RAB3GAP2: variants seen among roughly 807,000 people sequenced by gnomAD.
RAB3GAP2 encodes the protein RAB3 GTPase activating non-catalytic protein subunit 2.
In RAB3GAP2, 87 loss-of-function variants were observed where a neutral mutation model predicts 185.3. The observed-to-expected ratio is 0.47, with a 90% CI of 0.39 to 0.56. RAB3GAP2 has a LOEUF of 0.56. Ranked by LOEUF, RAB3GAP2 falls within the 20% of genes least tolerant of loss-of-function variation. The pLI is 0.00. For synonymous variants in RAB3GAP2, 554 were observed against 576.1 expected (o/e 0.96, Z 0.55); for missense variants, 1,492 against 1,638.2 (o/e 0.91, Z 1.54).
chr1:220,189,611 T>C (rs577338284), intron 17 of RAB3GAP2, 92 bp downstream of exon 17: 13 of 1,275,138 alleles, frequency 1.0e-5, no homozygotes, highest in East Asian at 8.0e-5. Flanking sequence ...CTTCAGCCTC[T>C]CATGTTTGGG....
At chr1:220,208,594 C>A (rs1659015027) in intron 7 of RAB3GAP2, among the ~76,000 whole-genome samples, 1 of 152,198 alleles carries the variant, frequency 6.6e-6, no homozygotes, top group Non-Finnish European at 1.5e-5. Flanking sequence ...CCAATGTAGT[C>A]CCCTATTCCA....
chr1:220,170,445 C>CAAAA (rs58028233), intron 24 of RAB3GAP2, among the ~76,000 whole-genome samples: 2 of 140,372 alleles, frequency 1.4e-5, no homozygotes, highest in Non-Finnish European at 3.1e-5. Context: ...TTTCCCAATG[C>CAAAA]AAAAAAAAAA....
At chr1:220,257,546 T>A (rs1660054443) in intron 1 of RAB3GAP2, among the ~76,000 whole-genome samples, 1 of 152,194 alleles carries the variant, frequency 6.6e-6, no homozygotes, top group Non-Finnish European at 1.5e-5. Flanking sequence ...AGAGACACTG[T>A]ACCAGAATCT....
At chr1:220,195,665 C>T (rs1265162226) in intron 10 of RAB3GAP2, among the ~76,000 whole-genome samples, 1 of 152,166 alleles carries the variant, frequency 6.6e-6, no homozygotes, top group East Asian at 1.9e-4. Context: ...ATTAAGATTA[C>T]ATTATTCTAG....
At chr1:220,264,594 C>T (rs549925381) in intron 1 of RAB3GAP2, among the ~76,000 whole-genome samples, 7 of 152,104 alleles carry the variant, frequency 4.6e-5, no homozygotes, top group South Asian at 4.2e-4. Context: ...TCTAAAGACC[C>T]TGCTACTGAA....
At chr1:220,211,596 T>A (rs2102880774) in intron 4 of RAB3GAP2, among the ~76,000 whole-genome samples, 1 of 152,310 alleles carries the variant, frequency 6.6e-6, no homozygotes, top group Non-Finnish European at 1.5e-5. Flanking sequence ...AAAGATATAT[T>A]TTTTTTCTGA....
rs375082479 is a variant in RAB3GAP2, at chr1:220,177,384, C to G, written c.2311-4642G>C. 9.2e-5 allele frequency among the ~76,000 whole-genome samples: 14 copies of G among 152,238 alleles called. No homozygotes were observed. The East Asian group carries it at 2.7e-3, about 29-fold the overall frequency. ...AGACTGTGAAGACTAAAGTACATACCTAATATATCAATGCACAATACCATC... is the reference window on the plus strand; with the variant it reads ...AGACTGTGAAGACTAAAGTACATACGTAATATATCAATGCACAATACCATC... On this transcript the variant is annotated intron_variant, in intron 21 of 34. Transcript: ENST00000358951.
At chr1:220,163,866 T>C (rs1421395969) in intron 27 of RAB3GAP2, among the ~76,000 whole-genome samples, 1 of 151,222 alleles carries the variant, frequency 6.6e-6, no homozygotes, top group Non-Finnish European at 1.5e-5. Context: ...CTGGATTTCA[T>C]GTCACCTGCA....
At chr1:220,180,504 T>C (rs1658382511) in intron 21 of RAB3GAP2, among the ~76,000 whole-genome samples, 1 of 152,162 alleles carries the variant, frequency 6.6e-6, no homozygotes, top group African/African-American at 2.4e-5. Context: ...TTAGAGACTA[T>C]TATGAACAGC....
At chr1:220,214,053 G>T in intron 2 of RAB3GAP2, 74 bp from the exon 3 acceptor site, 1 of 1,410,576 alleles carries the variant, frequency 7.1e-7, no homozygotes, top group Non-Finnish European at 1.0e-6. Flanking sequence ...CTGTCTCAAG[G>T]GGTGAGAGGG....
intron 5 of RAB3GAP2, 35 bp downstream of exon 5, chr1:220,210,920 A>C (rs1659074049): frequency 1.2e-6 from 2 of 1,613,928 alleles, no homozygotes; most frequent in East Asian, 4.5e-5. Context: ...CATAAATCAA[A>C]GCAAAGAAAA....
At chr1:220,196,815 G>T in intron 9 of RAB3GAP2, among the ~76,000 whole-genome samples, 1 of 151,356 alleles carries the variant, frequency 6.6e-6, no homozygotes. Flanking sequence ...CTGGGCAACA[G>T]GGCGAGACCC....
At chr1:220,152,666 T>C (rs1657781913) in intron 33 of RAB3GAP2, among the ~76,000 whole-genome samples, 1 of 152,142 alleles carries the variant, frequency 6.6e-6, no homozygotes, top group Non-Finnish European at 1.5e-5. Context: ...CACTCTACTG[T>C]AGTGGCTCCT....
chr1:220,170,681 A>G (rs1658157122), intron 24 of RAB3GAP2, among the ~76,000 whole-genome samples: 1 of 152,232 alleles, frequency 6.6e-6, no homozygotes, highest in South Asian at 2.1e-4. Flanking sequence ...CAATTTTCTT[A>G]GGCAGAGGGA....
intron 1 of RAB3GAP2, chr1:220,266,914 T>C: frequency 6.3e-7 from 1 of 1,589,352 alleles, no homozygotes; most frequent in South Asian, 1.1e-5. Context: ...GTAGGTCTCT[T>C]GGTATGTATT....
At chr1:220,246,537 T>C (rs1201255101) in intron 1 of RAB3GAP2, among the ~76,000 whole-genome samples, 1 of 109,264 alleles carries the variant, frequency 9.2e-6, no homozygotes, top group African/African-American at 4.0e-5. Flanking sequence ...CCAACAATGA[T>C]AGACTGGATT....
chr1:220,254,288 C>G (rs1659994035), intron 1 of RAB3GAP2: 4 of 1,613,460 alleles, frequency 2.5e-6, no homozygotes, highest in Non-Finnish European at 3.4e-6. Flanking sequence ...TTTGAGAGAC[C>G]ACAGTATGCC....
chr1:220,161,303 T>A (rs1337848122), intron 28 of RAB3GAP2, among the ~76,000 whole-genome samples: 1 of 152,188 alleles, frequency 6.6e-6, no homozygotes, highest in East Asian at 1.9e-4. Flanking sequence ...GTGGTGCTAT[T>A]CATGATGCAG....
rs1236971007 is a variant in RAB3GAP2, at chr1:220,150,124, G to A, written c.*1127C>T. The A allele has an allele frequency of 7.7e-6, 1 of 129,864 alleles. No individual in the cohort carries two copies. The highest frequency in any genetic ancestry group is 1.6e-5 in the Non-Finnish European group (1 of 63,114). The allele number at this position is 129,864 out of a possible 1,614,324, so 8.0% of individuals were successfully genotyped here. On this transcript the variant is annotated 3_prime_UTR_variant, in exon 35 of 35. Transcript: ENST00000358951. ...GTTTTTTCTTTTTTTTTTTTTTTTC[G>A]AGACAGGGTCTTGCTATATTGCCCA...
Sources: allele counts gnomAD v4.1 joint callset (sites outside exome capture counted in the v4.1 genomes callset), GRCh38; gene constraint gnomAD v4.1.1; transcripts MANE v1.5; gene names NCBI Gene and HGNC (gene_info 2026-07-23, HGNC 2026-07-21).